LRP1B: variants seen among roughly 807,000 people sequenced by gnomAD.
LRP1B encodes LDL receptor related protein 1B.
In LRP1B, 217 loss-of-function variants were observed where a neutral mutation model predicts 556.6. The ratio of observed to expected loss-of-function variants is 0.39; its 90% confidence interval spans 0.35 to 0.44. LRP1B has a LOEUF of 0.44. Ranked by LOEUF, LRP1B falls within the 20% of genes least tolerant of loss-of-function variation. The pLI, the probability that LRP1B is intolerant of heterozygous loss-of-function variation, is 1.00. For synonymous variants in LRP1B, 2,047 were observed against 1,865.8 expected (o/e 1.10, Z -2.50); for missense variants, 5,053 against 5,620.8 (o/e 0.90, Z 3.23).
chr2:140,478,625 A>G (rs1344704248), intron 59 of LRP1B, among the ~76,000 whole-genome samples: 1 of 152,124 alleles, frequency 6.6e-6, no homozygotes, highest in Admixed American at 6.5e-5. Context: ...AACAAGCACT[A>G]TATAGCATCT....
intron 47 of LRP1B, among the ~76,000 whole-genome samples, chr2:140,527,496 CTTA>C (rs1406241195): frequency 1.3e-5 from 2 of 151,732 alleles, no homozygotes; most frequent in African/African-American, 2.4e-5. Flanking sequence ...ATGTATGGTT[CTTA>C]TTATATTGAA....
At chr2:141,016,652 C>A (rs961404714) in intron 12 of LRP1B, among the ~76,000 whole-genome samples, 4 of 152,036 alleles carry the variant, frequency 2.6e-5, no homozygotes, top group Admixed American at 1.3e-4. Flanking sequence ...AAAGCTCTAA[C>A]AGTAGGAGAG....
chr2:141,947,287 A>T (rs918878643), intron 1 of LRP1B, among the ~76,000 whole-genome samples: 1 of 151,976 alleles, frequency 6.6e-6, no homozygotes, highest in Non-Finnish European at 1.5e-5. Flanking sequence ...AAACATAAAA[A>T]TTAGCTGGGT....
chr2:140,858,917 T>A (rs1692701119), intron 27 of LRP1B, among the ~76,000 whole-genome samples: 1 of 152,226 alleles, frequency 6.6e-6, no homozygotes, highest in African/African-American at 2.4e-5. Context: ...CATAATCTCA[T>A]TCCTTTTTAT....
intron 1 of LRP1B, among the ~76,000 whole-genome samples, chr2:142,088,974 C>CAAAAAA (rs1289382985): frequency 5.0e-5 from 2 of 39,654 alleles, no homozygotes; most frequent in African/African-American, 1.9e-4. Context: ...GGCTCCGTCT[C>CAAAAAA]AAAAAAAAAA....
chr2:141,735,679 C>G lies in LRP1B; in HGVS notation c.205+74600G>C, dbSNP rs1015818135. On this transcript the variant is annotated intron_variant, in intron 2 of 90. Coordinates refer to ENST00000389484, the MANE Select transcript of LRP1B (RefSeq NM_018557.3). ...TAGCAAGGTATTCAGTGAGGTAGAA[C>G]TTTTTTCTCTTCTGCAGAGCTTTAT... 5.3e-5 allele frequency among the ~76,000 whole-genome samples: 8 copies of G among 152,010 alleles called. No individual in the cohort carries two copies. In the East Asian group the frequency reaches 1.5e-3, roughly 29 times the overall value.
At chr2:141,206,782 G>T (rs1056962187) in intron 6 of LRP1B, among the ~76,000 whole-genome samples, 3 of 152,072 alleles carry the variant, frequency 2.0e-5, no homozygotes, top group Non-Finnish European at 4.4e-5. Context: ...TTCAGAAATT[G>T]GCAAGCAGAA....
intron 23 of LRP1B, among the ~76,000 whole-genome samples, chr2:140,900,761 T>A (rs73964742): frequency 6.6e-6 from 1 of 151,984 alleles, no homozygotes; most frequent in Non-Finnish European, 1.5e-5. Context: ...AAAACAGCCA[T>A]TTAAAAATGT....
At chr2:142,073,849 A>T (rs1000835578) in intron 1 of LRP1B, among the ~76,000 whole-genome samples, 13 of 151,792 alleles carry the variant, frequency 8.6e-5, no homozygotes, top group Admixed American at 7.9e-4. Flanking sequence ...CTCCTGCTCC[A>T]GCCACGTGCA....
chr2:141,829,948 T>C (rs1697059551), intron 1 of LRP1B, among the ~76,000 whole-genome samples: 1 of 151,906 alleles, frequency 6.6e-6, no homozygotes, highest in African/African-American at 2.4e-5. Flanking sequence ...TTTAGATGGT[T>C]TGGGGGTTTT....
intron 41 of LRP1B, among the ~76,000 whole-genome samples, chr2:140,646,244 A>T (rs1197255819): frequency 6.6e-6 from 1 of 152,208 alleles, no homozygotes; most frequent in Non-Finnish European, 1.5e-5. Context: ...GCTCATCATG[A>T]TAATCCTTCT....
intron 3 of LRP1B, among the ~76,000 whole-genome samples, chr2:141,446,680 G>T (rs943771542): frequency 6.6e-6 from 1 of 152,116 alleles, no homozygotes; most frequent in Non-Finnish European, 1.5e-5. Context: ...GCTTAGCTTG[G>T]CTGGATATGA....
chr2:141,254,637 C>A lies in LRP1B; in HGVS notation c.348G>T (p.Leu116=). The A allele has an allele frequency of 3.1e-6, 5 of 1,607,386 alleles. No individual in the cohort carries two copies. Among genetic ancestry groups the A allele is most frequent in the Non-Finnish European group, 3.4e-6 (4 of 1,175,150 alleles). Residue 116 remains leucine, a synonymous_variant, in exon 4 of 91, where the codon CTG becomes CTT. Coordinates refer to ENST00000389484, the MANE Select transcript of LRP1B (RefSeq NM_018557.3). ...AATTCAGCTGTTGGCAATTGGATAACAGTTCTGTAGAGAAAAAACAAATAT... is the reference window on the plus strand; with the variant it reads ...AATTCAGCTGTTGGCAATTGGATAAAAGTTCTGTAGAGAAAAAACAAATAT... ...GYDEGVHCQE[L]LSNCQQLNCQ... is the part of the protein sequence containing the mutation.
At chr2:141,201,161 T>C (rs535065199) in intron 6 of LRP1B, among the ~76,000 whole-genome samples, 1 of 152,110 alleles carries the variant, frequency 6.6e-6, no homozygotes, top group Non-Finnish European at 1.5e-5. Flanking sequence ...AACAATAGTA[T>C]GAGGGATGAT....
Position 141,519,456 on chromosome 2 carries a change from C to G in LRP1B, c.206-38923G>C, listed in dbSNP as rs151073838. On this transcript the variant is annotated intron_variant, in intron 2 of 90. Transcript: ENST00000389484. ...TTAAGCAAAGCTTGCCTACTTCTAACCTGAAGTGTTTTCAAAGAACAAATA... is the reference window on the plus strand; with the variant it reads ...TTAAGCAAAGCTTGCCTACTTCTAAGCTGAAGTGTTTTCAAAGAACAAATA... Among the ~76,000 whole-genome samples, 51 of 143,714 alleles carry G rather than the reference C, an allele frequency of 3.5e-4. 1 individual carries two copies. The highest frequency in any genetic ancestry group is 1.2e-3 in the African/African-American group (48 of 38,628). The allele number at this position is 143,714 out of a possible 152,430, so 94.3% of individuals were successfully genotyped here.
intron 60 of LRP1B, among the ~76,000 whole-genome samples, chr2:140,457,883 G>A (rs1381374707): frequency 6.6e-6 from 1 of 151,990 alleles, no homozygotes; most frequent in Non-Finnish European, 1.5e-5. Context: ...AAAAAAAAAT[G>A]AATGTGATTC....
chr2:140,750,513 A>G (rs962982993), intron 35 of LRP1B, among the ~76,000 whole-genome samples: 1 of 152,192 alleles, frequency 6.6e-6, no homozygotes, highest in Non-Finnish European at 1.5e-5. Context: ...TATTGCTTTG[A>G]GTAAGATCAC....
chr2:140,838,024 T>C (rs1192952994), intron 31 of LRP1B, among the ~76,000 whole-genome samples: 1 of 152,092 alleles, frequency 6.6e-6, no homozygotes, highest in Admixed American at 6.5e-5. Context: ...GTACCTCTCT[T>C]ATAAACTTTT....
rs537758140 is a variant in LRP1B at position 142,079,497 on chromosome 2, C to A, written c.82+51151G>T. Among the ~76,000 whole-genome samples the A allele has an allele frequency of 9.0e-5, 6 of 66,558 alleles. No individual in the cohort carries two copies. In the East Asian group the frequency reaches 1.2e-3, roughly 14 times the overall value. The allele number at this position is 66,558 out of a possible 152,430, so 43.7% of individuals were successfully genotyped here. A position where few individuals can be genotyped will look rare whatever the true frequency, so the allele number is the denominator to read the frequency against. On this transcript the variant is annotated intron_variant, in intron 1 of 90. Transcript: ENST00000389484. The stretch of plus-strand genomic sequence containing the variant: ...CATCCAATATTTTCTTTCTTTCTTT[C>A]TCTTTTTTTTTATTTTTTTATTTTT...
Sources: allele counts gnomAD v4.1 joint callset (sites outside exome capture counted in the v4.1 genomes callset), GRCh38; gene constraint gnomAD v4.1.1; transcripts MANE v1.5; gene names NCBI Gene and HGNC (gene_info 2026-07-23, HGNC 2026-07-21).